The following TRIM44 variants were observed in gnomAD, a reference collection of about 807,000 sequenced individuals.
The protein encoded by TRIM44 is tripartite motif-containing protein 44.
Under a neutral mutation model 37.4 loss-of-function variants are expected in TRIM44, and 13 were observed. The observed-to-expected ratio is 0.35, with a 90% CI of 0.23 to 0.55. The LOEUF is 0.55. Ranked by LOEUF, TRIM44 falls within the 20% of genes least tolerant of loss-of-function variation. The pLI is 0.89. For synonymous variants in TRIM44, 175 were observed against 157.2 expected (o/e 1.11, Z -0.85); for missense variants, 426 against 437.2 (o/e 0.97, Z 0.23).
intron 4 of TRIM44, among the ~76,000 whole-genome samples, chr11:35,752,321 T>C (rs1852568761): frequency 6.6e-6 from 1 of 152,064 alleles, no homozygotes; most frequent in Admixed American, 6.6e-5. Context: ...CCACTCTTAC[T>C]CATTCTTCCT....
intron 4 of TRIM44, among the ~76,000 whole-genome samples, chr11:35,775,662 G>T (rs1241153830): frequency 6.6e-6 from 1 of 152,210 alleles, no homozygotes; most frequent in African/African-American, 2.4e-5. Flanking sequence ...CTAGTTTATG[G>T]AGAGTTTTTA....
chr11:35,805,165 CTT>C, intron 4 of TRIM44, among the ~76,000 whole-genome samples: 1 of 152,244 alleles, frequency 6.6e-6, no homozygotes, highest in South Asian at 2.1e-4. Context: ...TAGAGCTTCA[CTT>C]TTTTCATCTG....
At chr11:35,802,792 T>A (rs1173878657) in intron 4 of TRIM44, among the ~76,000 whole-genome samples, 1 of 152,190 alleles carries the variant, frequency 6.6e-6, no homozygotes, top group South Asian at 2.1e-4. Flanking sequence ...CCTTTCTAGT[T>A]AGTACCTGTA....
Position 35,663,097 on chromosome 11 carries a change from C to T in TRIM44, c.-15C>T. 1 of 1,499,540 alleles carries T rather than the reference C, an allele frequency of 6.7e-7. No individual in the cohort carries two copies. 92.9% of individuals were successfully genotyped at this position (1,499,540 alleles called of 1,614,324 possible). A position where few individuals can be genotyped will look rare whatever the true frequency, so the allele number is the denominator to read the frequency against. The stretch of plus-strand genomic sequence containing the variant: ...CCCCGGGGCCCCGAGGCCTTGGCCG[C>T]GTCACAGCACCCACATGGCCTCTGG... On this transcript the variant is annotated 5_prime_UTR_variant, in exon 1 of 5. Transcript: ENST00000299413.
In TRIM44 at chr11:35,811,509, A is replaced by G. The variant is rs1459623327; in HGVS notation, c.*5124A>G. ...TTGTTTTGTGAAACTTTAGAAATAC[A>G]TATTTGCATGTAATTGATGAAAACA... On this transcript the variant is annotated 3_prime_UTR_variant, in exon 5 of 5. Coordinates refer to ENST00000299413, the MANE Select transcript of TRIM44 (RefSeq NM_017583.6). 1.3e-5 allele frequency: 2 copies of G among 152,194 alleles called. No individual in the cohort carries two copies. The highest frequency in any genetic ancestry group is 2.4e-5 in the African/African-American group (1 of 41,454). The allele number at this position is 152,194 out of a possible 1,614,324, so 9.4% of individuals were successfully genotyped here. A position where few individuals can be genotyped will look rare whatever the true frequency, so the allele number is the denominator to read the frequency against.
intron 2 of TRIM44, among the ~76,000 whole-genome samples, chr11:35,712,967 G>T (rs1425085126): frequency 6.6e-6 from 1 of 152,136 alleles, no homozygotes; most frequent in African/African-American, 2.4e-5. Flanking sequence ...AATAAAATCA[G>T]ATTTGCTCAG....
chr11:35,757,503 T>C (rs1231123321), intron 4 of TRIM44, among the ~76,000 whole-genome samples: 32 of 152,312 alleles, frequency 2.1e-4, no homozygotes, highest in Admixed American at 2.1e-3. Context: ...TTTCCTTCAG[T>C]TCTGTTCTGA....
intron 1 of TRIM44, among the ~76,000 whole-genome samples, chr11:35,677,700 A>G (rs889115037): frequency 6.6e-6 from 1 of 152,196 alleles, no homozygotes; most frequent in African/African-American, 2.4e-5. Flanking sequence ...ATATTTATTG[A>G]AGGCTTAAAA....
At chr11:35,740,119 AG>A (rs1564989742) in intron 4 of TRIM44, among the ~76,000 whole-genome samples, 2 of 140,358 alleles carry the variant, frequency 1.4e-5, no homozygotes, top group African/African-American at 5.4e-5. Flanking sequence ...AAAAAAAAAA[AG>A]GTACCTTTGA....
intron 4 of TRIM44, among the ~76,000 whole-genome samples, chr11:35,788,905 C>T (rs1853164099): frequency 6.6e-6 from 1 of 152,190 alleles, no homozygotes; most frequent in East Asian, 1.9e-4. Flanking sequence ...ACAGGCTTTG[C>T]TTAAACTTTT....
chr11:35,748,091 C>T (rs148744531), intron 4 of TRIM44, among the ~76,000 whole-genome samples: 102 of 152,130 alleles, frequency 6.7e-4, no homozygotes, highest in African/African-American at 2.4e-3. Flanking sequence ...TTTAAGGAAT[C>T]GCCTGAGGAA....
intron 2 of TRIM44, among the ~76,000 whole-genome samples, chr11:35,715,152 T>G (rs1852022948): frequency 6.6e-6 from 1 of 152,154 alleles, no homozygotes; most frequent in Non-Finnish European, 1.5e-5. Flanking sequence ...CATCAAGTTG[T>G]CATGGCAATA....
At chr11:35,694,235 G>T (rs147316974) in intron 2 of TRIM44, among the ~76,000 whole-genome samples, 3 of 152,184 alleles carry the variant, frequency 2.0e-5, no homozygotes, top group Admixed American at 6.5e-5. Context: ...AGCCGATTAC[G>T]TGGGATACGT....
At chr11:35,802,495 A>G (rs540398255) in intron 4 of TRIM44, among the ~76,000 whole-genome samples, 7 of 152,340 alleles carry the variant, frequency 4.6e-5, no homozygotes, top group African/African-American at 1.7e-4. Flanking sequence ...GTTTCTGAGA[A>G]GGTAAGTTTT....
intron 1 of TRIM44, among the ~76,000 whole-genome samples, chr11:35,664,263 C>T (rs781262550): frequency 1.3e-5 from 2 of 152,070 alleles, no homozygotes; most frequent in Non-Finnish European, 2.9e-5. Context: ...TCATATGTGC[C>T]CCGAGTTCAT....
chr11:35,762,158 G>A (rs1036151300), intron 4 of TRIM44, among the ~76,000 whole-genome samples: 1 of 152,196 alleles, frequency 6.6e-6, no homozygotes, highest in Non-Finnish European at 1.5e-5. Flanking sequence ...GGGTGTGAAT[G>A]CAAATTTATT....
intron 4 of TRIM44, among the ~76,000 whole-genome samples, chr11:35,738,767 A>AGT (rs1184840966): frequency 4.6e-5 from 7 of 152,136 alleles, no homozygotes; most frequent in African/African-American, 1.7e-4. Flanking sequence ...GCAGAAAGGA[A>AGT]GTGTGGGAGT....
intron 3 of TRIM44, among the ~76,000 whole-genome samples, chr11:35,733,297 A>AT (rs1411202544): frequency 2.0e-5 from 3 of 152,188 alleles, no homozygotes; most frequent in African/African-American, 7.2e-5. Flanking sequence ...AAGGTATGTG[A>AT]TTTTGAGGAG....
chr11:35,757,416 G>A (rs1251167289), intron 4 of TRIM44, among the ~76,000 whole-genome samples: 1 of 152,086 alleles, frequency 6.6e-6, no homozygotes, highest in African/African-American at 2.4e-5. Context: ...CTTGCTAGCA[G>A]TCTATCAATT....
Sources: allele counts gnomAD v4.1 joint callset (sites outside exome capture counted in the v4.1 genomes callset), GRCh38; gene constraint gnomAD v4.1.1; transcripts MANE v1.5; gene names NCBI Gene and HGNC (gene_info 2026-07-23, HGNC 2026-07-21).